Variants in ANO3 observed in about 807,000 individuals in gnomAD.
ANO3 encodes anoctamin-3.
Under a neutral mutation model 144.8 loss-of-function variants are expected in ANO3, and 99 were observed. The ratio of observed to expected loss-of-function variants is 0.68; its 90% confidence interval spans 0.58 to 0.81. The LOEUF (loss-of-function observed/expected upper bound fraction) is 0.81. Among genes scored for constraint, ANO3 ranks in the 30% least tolerant of loss-of-function variants. ANO3 has a pLI of 0.00. For missense variants in ANO3, 905 were observed against 1,202.2 expected (o/e 0.75, Z 3.66); for synonymous variants, 414 against 392.6 (o/e 1.05, Z -0.64).
At chr11:26,381,308 G>T (rs7925675) in intron 1 of ANO3, among the ~76,000 whole-genome samples, 40,614 of 151,942 alleles carry the variant, frequency 0.27, 6,100 homozygotes, top group African/African-American at 0.41. Context: ...TCACACAAGA[G>T]TTATAGTTTT....
chr11:26,326,567 T>G (rs1564966053), intron 1 of ANO3, among the ~76,000 whole-genome samples: 1 of 152,188 alleles, frequency 6.6e-6, no homozygotes, highest in Non-Finnish European at 1.5e-5. Flanking sequence ...CATTGTGTTG[T>G]TACTCTTATA....
intron 4 of ANO3, among the ~76,000 whole-genome samples, chr11:26,476,737 A>C (rs1009750199): frequency 2.0e-5 from 3 of 152,092 alleles, no homozygotes; most frequent in Non-Finnish European, 4.4e-5. Context: ...GGTAAGGTGA[A>C]TATATCAGAC....
At chr11:26,514,325 G>A (rs1861781334) in intron 5 of ANO3, among the ~76,000 whole-genome samples, 1 of 151,982 alleles carries the variant, frequency 6.6e-6, no homozygotes, top group African/African-American at 2.4e-5. Context: ...CATCATTTTG[G>A]GTAGTTTCTG....
chr11:26,361,092 A>T (rs1855914584), intron 1 of ANO3, among the ~76,000 whole-genome samples: 1 of 152,192 alleles, frequency 6.6e-6, no homozygotes, highest in Non-Finnish European at 1.5e-5. Flanking sequence ...AAGCCAGTTT[A>T]ACTTCATTTC....
chr11:26,342,758 T>C (rs1340663244), intron 1 of ANO3, among the ~76,000 whole-genome samples: 2 of 152,240 alleles, frequency 1.3e-5, no homozygotes, highest in African/African-American at 4.8e-5. Context: ...AAAAAGGCTT[T>C]TGCTGTTTAT....
chr11:26,642,471 C>T (rs1184182961), intron 22 of ANO3, among the ~76,000 whole-genome samples: 1 of 117,296 alleles, frequency 8.5e-6, no homozygotes, highest in African/African-American at 2.8e-5. Context: ...CCTACCTCAG[C>T]CTCTCAAGTA....
At position 26,312,018 on chromosome 11, in the gene ANO3, G is replaced by C. The variant is rs546905028; in HGVS notation, c.-3+2299G>C. On this transcript the variant is annotated intron_variant, in intron 1 of 26. Transcript: ENST00000525139. ...TCCGCTCTCCCCCAACCCCACAACAGGCCCCGGTGTGTGATGTTCCCCACC... is the reference window on the plus strand; with the variant it reads ...TCCGCTCTCCCCCAACCCCACAACACGCCCCGGTGTGTGATGTTCCCCACC... 1.1e-3 allele frequency among the ~76,000 whole-genome samples: 164 copies of C among 152,178 alleles called. 1 individual carries two copies. The highest frequency in any genetic ancestry group is 3.8e-3 in the African/African-American group (157 of 41,530).
At chr11:26,590,914 C>A (rs1333591830) in intron 14 of ANO3, among the ~76,000 whole-genome samples, 1 of 152,050 alleles carries the variant, frequency 6.6e-6, no homozygotes, top group Non-Finnish European at 1.5e-5. Context: ...AACAGAGCTC[C>A]CATACAATGG....
intron 1 of ANO3, among the ~76,000 whole-genome samples, chr11:26,410,538 A>T (rs780647886): frequency 9.9e-5 from 15 of 152,026 alleles, no homozygotes; most frequent in Non-Finnish European, 2.1e-4. Flanking sequence ...AAGGGAGATG[A>T]TGTGGCTTGG....
At chr11:26,620,297 A>T (rs927573508) in intron 17 of ANO3, among the ~76,000 whole-genome samples, 1 of 152,174 alleles carries the variant, frequency 6.6e-6, no homozygotes, top group African/African-American at 2.4e-5. Flanking sequence ...CAGCAGCATG[A>T]CAGCTGCCTG....
At chr11:26,291,514 T>C (rs1442283163) in intron 1 of ANO3, among the ~76,000 whole-genome samples, 2 of 152,260 alleles carry the variant, frequency 1.3e-5, no homozygotes, top group African/African-American at 4.8e-5. Context: ...CGATGGTCTT[T>C]ACATTTTGGC....
chr11:26,411,846 T>G (rs773528815), intron 1 of ANO3, among the ~76,000 whole-genome samples: 1 of 152,010 alleles, frequency 6.6e-6, no homozygotes, highest in African/African-American at 2.4e-5. Flanking sequence ...AAGATTGCAG[T>G]TGACTTATCT....
At chr11:26,363,979 C>A (rs1385315962) in intron 1 of ANO3, among the ~76,000 whole-genome samples, 2 of 152,088 alleles carry the variant, frequency 1.3e-5, no homozygotes, top group African/African-American at 4.8e-5. Flanking sequence ...CCAGGACAGT[C>A]CTTATAGGAC....
chr11:26,352,445 T>C (rs1231809119), intron 1 of ANO3, among the ~76,000 whole-genome samples: 4 of 152,224 alleles, frequency 2.6e-5, no homozygotes, highest in Non-Finnish European at 5.9e-5. Context: ...AACTCTTTCC[T>C]AGCTTCCAGC....
chr11:26,365,434 A>C (rs1357251104), intron 1 of ANO3, among the ~76,000 whole-genome samples: 2 of 152,210 alleles, frequency 1.3e-5, no homozygotes, highest in African/African-American at 4.8e-5. Context: ...CTTCCAACCC[A>C]AAATTTCCCA....
rs1399083162 is a variant in ANO3, at chr11:26,223,303, A to G, written c.154+33973A>G. 5.3e-5 allele frequency among the ~76,000 whole-genome samples: 8 copies of G among 152,302 alleles called. No homozygotes were observed. The East Asian group carries it at 1.2e-3, about 22-fold the overall frequency. ...ATTCAGCCAAGCTCTTTCCTAAGAC[A>G]TAACATAGGTGATCTTTACTCAAGT... On this transcript the variant is annotated intron_variant, in intron 1 of 27. Transcript: ENST00000672621.
chr11:26,337,574 T>G (rs1855226208), intron 1 of ANO3, among the ~76,000 whole-genome samples: 1 of 152,304 alleles, frequency 6.6e-6, no homozygotes, highest in Admixed American at 6.5e-5. Context: ...TATCAAAAGA[T>G]AATTTAAACT....
chr11:26,371,286 A>T (rs1028961571), intron 1 of ANO3, among the ~76,000 whole-genome samples: 1 of 152,262 alleles, frequency 6.6e-6, no homozygotes, highest in East Asian at 1.9e-4. Flanking sequence ...GGGTTGGTCC[A>T]GTGGGTGCAC....
chr11:26,553,182 T>C, intron 12 of ANO3, 67 bp from the exon 13 acceptor site: 1 of 1,162,520 alleles, frequency 8.6e-7, no homozygotes. Context: ...CTGTAGGGGC[T>C]AAGTGAATTC....
Sources: allele counts gnomAD v4.1 joint callset (sites outside exome capture counted in the v4.1 genomes callset), GRCh38; gene constraint gnomAD v4.1.1; transcripts MANE v1.5; gene names NCBI Gene and HGNC (gene_info 2026-07-23, HGNC 2026-07-21).